Variants in CTNNA2 observed in about 807,000 individuals in gnomAD.
CTNNA2 encodes the protein catenin alpha-2.
CTNNA2 carries 42 observed loss-of-function variants against 101.0 expected under a neutral mutation model. That is an observed-to-expected ratio of 0.42 (90% CI 0.32 to 0.54). CTNNA2 has a LOEUF of 0.54. CTNNA2 is among the 20% of genes least tolerant of loss of function. The probability of loss-of-function intolerance (pLI) is 0.14; values close to 1 mark genes in which losing one functional copy is unlikely to be tolerated. For synonymous variants in CTNNA2, 450 were observed against 456.4 expected (o/e 0.99, Z 0.18); for missense variants, 871 against 1,223.1 (o/e 0.71, Z 4.29).
At chr2:80,106,935 T>G (rs1211472101) in intron 7 of CTNNA2, among the ~76,000 whole-genome samples, 2 of 152,264 alleles carry the variant, frequency 1.3e-5, no homozygotes, top group Admixed American at 6.5e-5. Flanking sequence ...CATTCCCTAT[T>G]TGAGCAGGTA....
chr2:79,334,020 G>T (rs1676935665), intron 3 of CTNNA2, among the ~76,000 whole-genome samples: 1 of 152,116 alleles, frequency 6.6e-6, no homozygotes, highest in South Asian at 2.1e-4. Context: ...TATACAATGT[G>T]TAATGATCAA....
chr2:80,464,286 A>G (rs2149476697), intron 9 of CTNNA2, among the ~76,000 whole-genome samples: 1 of 152,274 alleles, frequency 6.6e-6, no homozygotes, highest in South Asian at 2.1e-4. Flanking sequence ...AATTCCAAAT[A>G]ATTTACGGGT....
chr2:79,485,028 A>G (rs1671144105), intron 4 of CTNNA2, among the ~76,000 whole-genome samples: 1 of 152,130 alleles, frequency 6.6e-6, no homozygotes, highest in Admixed American at 6.6e-5. Context: ...AAACAGATAT[A>G]CCATAGATAG....
chr2:79,988,363 C>T (rs1034398453), intron 7 of CTNNA2, among the ~76,000 whole-genome samples: 1 of 152,104 alleles, frequency 6.6e-6, no homozygotes, highest in Non-Finnish European at 1.5e-5. Flanking sequence ...CACTTGTCCT[C>T]AAACCCACTG....
At chr2:79,785,203 A>G (rs966934990) in intron 3 of CTNNA2, among the ~76,000 whole-genome samples, 35 of 152,256 alleles carry the variant, frequency 2.3e-4, no homozygotes, top group African/African-American at 7.5e-4. Flanking sequence ...GAAGTTGCCA[A>G]TGGCTCTCCA....
chr2:79,794,240 T>C (rs905983632), intron 3 of CTNNA2, among the ~76,000 whole-genome samples: 3 of 152,166 alleles, frequency 2.0e-5, no homozygotes, highest in Non-Finnish European at 4.4e-5. Context: ...GATATAGGGA[T>C]TTATGGTATT....
chr2:80,306,860 C>T (rs1677077506), intron 7 of CTNNA2, among the ~76,000 whole-genome samples: 1 of 151,602 alleles, frequency 6.6e-6, no homozygotes, highest in Non-Finnish European at 1.5e-5. Context: ...GCCAAATGGG[C>T]AAGAAGAGGT....
At chr2:80,011,613 C>T (rs1693792448) in intron 7 of CTNNA2, among the ~76,000 whole-genome samples, 1 of 152,014 alleles carries the variant, frequency 6.6e-6, no homozygotes, top group Admixed American at 6.6e-5. Context: ...GAATGATCTC[C>T]ATGGTCCTCT....
chr2:80,140,510 C>A (rs1702948593), intron 7 of CTNNA2, among the ~76,000 whole-genome samples: 1 of 152,100 alleles, frequency 6.6e-6, no homozygotes, highest in Non-Finnish European at 1.5e-5. Context: ...CCCACCCATC[C>A]CTCATTTCTC....
At chr2:80,622,244 G>T (rs62152004) in intron 18 of CTNNA2, among the ~76,000 whole-genome samples, 8,974 of 151,910 alleles carry the variant, frequency 0.059, 291 homozygotes, top group African/African-American at 0.088. Context: ...CATTTGGTCA[G>T]TTACACAAAA....
At chr2:79,586,527 C>CTTTTCTT (rs1553432453) in intron 1 of CTNNA2, among the ~76,000 whole-genome samples, 8 of 147,966 alleles carry the variant, frequency 5.4e-5, no homozygotes, top group East Asian at 2.0e-4. Flanking sequence ...CTTTTCTTTT[C>CTTTTCTT]TTTTTTTTTA....
At chr2:80,384,185 A>G (rs1676778283) in intron 7 of CTNNA2, among the ~76,000 whole-genome samples, 1 of 152,136 alleles carries the variant, frequency 6.6e-6, no homozygotes. Flanking sequence ...GGTGGGAGGA[A>G]GGAGAGGATC....
intron 7 of CTNNA2, among the ~76,000 whole-genome samples, chr2:80,367,086 G>T (rs145624660): frequency 6.6e-6 from 1 of 152,052 alleles, no homozygotes; most frequent in African/African-American, 2.4e-5. Flanking sequence ...AGAGCAGGGG[G>T]ATGACTTTGA....
At chr2:79,650,514 A>T in intron 1 of CTNNA2, among the ~76,000 whole-genome samples, 1 of 151,914 alleles carries the variant, frequency 6.6e-6, no homozygotes, top group East Asian at 1.9e-4. Context: ...TCCTACATCT[A>T]GTAATCATTG....
chr2:80,149,943 C>T (rs999893467), intron 7 of CTNNA2, among the ~76,000 whole-genome samples: 18 of 152,128 alleles, frequency 1.2e-4, no homozygotes, highest in African/African-American at 3.9e-4. Flanking sequence ...GAAGAGTGAA[C>T]GCCAAAGCAT....
At chr2:80,059,359 G>C (rs1451161983) in intron 7 of CTNNA2, among the ~76,000 whole-genome samples, 2 of 152,188 alleles carry the variant, frequency 1.3e-5, no homozygotes, top group Non-Finnish European at 2.9e-5. Flanking sequence ...TCTGATACTT[G>C]TAGCCCAATA....
intron 1 of CTNNA2, among the ~76,000 whole-genome samples, chr2:79,539,571 A>G (rs559485730): frequency 1.3e-5 from 2 of 152,338 alleles, no homozygotes; most frequent in East Asian, 3.9e-4. Context: ...TTTATATTGT[A>G]ATAAACTGTG....
intron 7 of CTNNA2, among the ~76,000 whole-genome samples, chr2:80,259,245 G>T (rs1672410197): frequency 6.6e-6 from 1 of 152,124 alleles, no homozygotes; most frequent in African/African-American, 2.4e-5. Context: ...ACTCAGACAT[G>T]ATCCCTAACA....
At chr2:80,633,677 CTTTTCTCTATTTCGG>C (rs1672539981) in intron 18 of CTNNA2, among the ~76,000 whole-genome samples, 1 of 152,156 alleles carries the variant, frequency 6.6e-6, no homozygotes, top group South Asian at 2.1e-4. Flanking sequence ...AAAAAGTTAA[CTTTTCTCTATTTCGG>C]TTTTCTCATA....
Sources: allele counts gnomAD v4.1 joint callset (sites outside exome capture counted in the v4.1 genomes callset), GRCh38; gene constraint gnomAD v4.1.1; transcripts MANE v1.5; gene names NCBI Gene and HGNC (gene_info 2026-07-23, HGNC 2026-07-21).